Variants in ATRX observed in about 807,000 individuals in gnomAD.
The protein encoded by ATRX is ATRX chromatin remodeler.
A neutral mutation model predicts 172.6 loss-of-function variants in ATRX; 12 were observed. The observed-to-expected ratio is 0.07, with a 90% CI of 0.04 to 0.11. ATRX has a LOEUF of 0.11. Ranked by LOEUF, ATRX falls within the 10% of genes least tolerant of loss-of-function variation. The probability of loss-of-function intolerance (pLI) is 1.00; values close to 1 mark genes in which losing one functional copy is unlikely to be tolerated. For missense variants in ATRX, 1,368 were observed against 1,767.4 expected, an observed-to-expected ratio of 0.77 and a Z score of 4.05; for synonymous variants, 674 against 594.7, an observed-to-expected ratio of 1.13 and a Z score of -1.94.
chrX:77,579,240 A>G (rs2065739973), intron 27 of ATRX, among the ~76,000 whole-genome samples: 1 of 112,614 alleles, frequency 8.9e-6, no homozygotes, highest in Non-Finnish European at 1.9e-5. Flanking sequence ...GGAAAGACCC[A>G]GTACTGGCAG....
At chrX:77,594,679 G>A (rs1419786861) in intron 25 of ATRX, 1 of 111,935 alleles carries the variant, frequency 8.9e-6, no homozygotes, top group Non-Finnish European at 1.9e-5. Flanking sequence ...GGATGAAGCT[G>A]AAGCCTAATA....
intron 30 of ATRX, among the ~76,000 whole-genome samples, chrX:77,527,623 C>T (rs1256703886): frequency 1.8e-5 from 2 of 111,547 alleles, no homozygotes; most frequent in Non-Finnish European, 1.9e-5. Flanking sequence ...CCGGGATCCC[C>T]GCCAAGGCAT....
Position 77,663,479 on chromosome X carries a change from C to A in ATRX, c.4023G>T (p.Leu1341Phe). The change falls in exon 12 of 35, where the codon TTG becomes TTT. Residue 1341 changes from leucine (L) to phenylalanine (F), a missense_variant. This residue lies in a region of ATRX where 119 missense variants were observed against 131.3 expected (regional missense o/e 0.91). Coordinates refer to ENST00000373344, the MANE Select transcript of ATRX (RefSeq NM_000489.6). ...SKKPRYRHRL[L>F]RHKLTVSDGE... ...CGTCACTCACAGTCAATTTGTGCCG[C>A]AAAAGCCTATGTCTGTATCTTGGCT... is the stretch of plus-strand genomic sequence containing the variant. The A allele has an allele frequency of 8.3e-7, 1 of 1,211,215 alleles. No individual in the cohort carries two copies. Among genetic ancestry groups the A allele is most frequent in the African/African-American group, 1.7e-5 (1 of 57,872 alleles).
At chrX:77,534,900 G>A (rs1557047847) in intron 30 of ATRX, among the ~76,000 whole-genome samples, 2 of 111,025 alleles carry the variant, frequency 1.8e-5, no homozygotes, top group South Asian at 3.8e-4. Context: ...TTGCCTGGGG[G>A]TAAGGGAGGG....
intron 15 of ATRX, 145 bp downstream of exon 15, chrX:77,651,969 G>C: frequency 1.9e-6 from 1 of 528,079 alleles, no homozygotes; most frequent in Admixed American, 3.1e-5. Context: ...TTAAGGCTGG[G>C]TGTGTTGACT....
chrX:77,602,869 G>T, intron 22 of ATRX, among the ~76,000 whole-genome samples: 1 of 110,405 alleles, frequency 9.1e-6, no homozygotes, highest in Non-Finnish European at 1.9e-5. Context: ...GCTAGAAAAA[G>T]AATAAGCTAA....
At chrX:77,782,913 A>G (rs1353656426) in intron 1 of ATRX, among the ~76,000 whole-genome samples, 1 of 110,848 alleles carries the variant, frequency 9.0e-6, no homozygotes, top group Non-Finnish European at 1.9e-5. Flanking sequence ...ACATCACCTG[A>G]TAACTGAAGA....
intron 1 of ATRX, among the ~76,000 whole-genome samples, chrX:77,720,218 G>A (rs530154994): frequency 8.9e-6 from 1 of 111,887 alleles, no homozygotes; most frequent in East Asian, 2.8e-4. Flanking sequence ...ATGCCCACAA[G>A]AGAAAGCAGG....
Position 77,688,976 on chromosome X carries a change from ATACT to A in ATRX, c.485-53_485-50del, listed in dbSNP as rs782794443. ...TTCACACATTTATACACAGAAAAAG[ATACT>A]TACTTTAGTCAGCATTTTGTAACTT... On this transcript the variant is annotated intron_variant, in intron 6 of 34. Transcript: ENST00000373344. 92 of 992,147 alleles carry A rather than the reference ATACT, an allele frequency of 9.3e-5. 1 individual carries two copies. Among genetic ancestry groups the A allele is most frequent in the South Asian group, 3.1e-4 (16 of 52,377 alleles). The allele number at this position is 992,147 out of a possible 1,213,427, so 81.8% of individuals were successfully genotyped here.
chrX:77,628,061 G>C (rs1041365312), intron 19 of ATRX, among the ~76,000 whole-genome samples: 1 of 112,172 alleles, frequency 8.9e-6, no homozygotes, highest in Non-Finnish European at 1.9e-5. Flanking sequence ...GAGAGCAGAA[G>C]AACAGGAATT....
intron 28 of ATRX, among the ~76,000 whole-genome samples, chrX:77,560,506 C>T (rs1267772001): frequency 9.0e-6 from 1 of 110,742 alleles, no homozygotes; most frequent in Non-Finnish European, 1.9e-5. Context: ...TAATAATTTG[C>T]TTATTGCTGG....
In ATRX at chrX:77,693,830, G is replaced by A. The variant is rs2072039368; in HGVS notation, c.478C>T (p.Arg160Cys). The A allele has an allele frequency of 1.7e-6, 2 of 1,201,941 alleles. No individual in the cohort carries two copies. Among genetic ancestry groups the A allele is most frequent in the Non-Finnish European group, 1.1e-6 (1 of 887,181 alleles). ...CATTTTCACTTGTATTTACCTCCGC[G>A]TTTTTTGAGATTTTCAGTTTTCATT... Reference protein sequence around the residue: ...SKMKTENLKKRGEDGLHGIVS... With the variant: ...SKMKTENLKKCGEDGLHGIVS... The change falls in exon 6 of 35, where the codon CGC (arginine) becomes TGC (cysteine). Residue 160 changes from arginine to cysteine, a missense_variant. Coordinates refer to ENST00000373344, the MANE Select transcript of ATRX (RefSeq NM_000489.6).
intron 1 of ATRX, among the ~76,000 whole-genome samples, chrX:77,738,268 A>C (rs1315610925): frequency 3.7e-5 from 4 of 107,124 alleles, no homozygotes; most frequent in African/African-American, 1.0e-4. Flanking sequence ...CTAGGAAGTC[A>C]AGGCTACAGT....
intron 22 of ATRX, among the ~76,000 whole-genome samples, chrX:77,612,384 C>G (rs1357525195): frequency 9.7e-6 from 1 of 103,089 alleles, no homozygotes; most frequent in East Asian, 3.0e-4. Context: ...CACATGGACA[C>G]AGGGAGGGGC....
chrX:77,756,528 T>G (rs782436147), intron 1 of ATRX, among the ~76,000 whole-genome samples: 2 of 110,805 alleles, frequency 1.8e-5, no homozygotes, highest in South Asian at 7.6e-4. Flanking sequence ...GCAAAAATCA[T>G]GGGAAAAGTG....
chrX:77,686,996 A>C (rs2148650011), intron 7 of ATRX, among the ~76,000 whole-genome samples: 1 of 108,362 alleles, frequency 9.2e-6, no homozygotes, highest in Admixed American at 1.0e-4. Flanking sequence ...TCTACTAAAA[A>C]TACAAAAATT....
At chrX:77,535,277 C>A (rs1182769868) in intron 30 of ATRX, among the ~76,000 whole-genome samples, 4 of 111,659 alleles carry the variant, frequency 3.6e-5, no homozygotes, top group Non-Finnish European at 7.5e-5. Context: ...TCCAGATTCC[C>A]AAATTGTTGG....
At chrX:77,740,053 CAAAAAAAAAAA>C (rs781860181) in intron 1 of ATRX, among the ~76,000 whole-genome samples, 1 of 47,053 alleles carries the variant, frequency 2.1e-5, no homozygotes, top group African/African-American at 9.0e-5. Context: ...AACTCCATCC[CAAAAAAAAAAA>C]AAAAAAAAAA....
chrX:77,657,871 A>G (rs1343664671), intron 12 of ATRX, among the ~76,000 whole-genome samples: 1 of 111,816 alleles, frequency 8.9e-6, no homozygotes, highest in Non-Finnish European at 1.9e-5. Context: ...ATACCAGCAG[A>G]CACCAACTTA....
Sources: gnomAD v4.1 joint callset for allele counts (sites outside exome capture counted in the v4.1 genomes callset) on GRCh38, gnomAD v4.1.1 for gene constraint, gnomAD v4.1.1 regional missense constraint, MANE v1.5 for transcripts, NCBI Gene and HGNC (gene_info 2026-07-23, HGNC 2026-07-21) for gene names.